The following FAT3 variants were observed in gnomAD, a reference collection of about 807,000 sequenced individuals.
The protein encoded by FAT3 is FAT atypical cadherin 3.
Under a neutral mutation model 310.2 loss-of-function variants are expected in FAT3, and 95 were observed. The observed-to-expected ratio is 0.31, with a 90% CI of 0.26 to 0.36. The LOEUF is 0.36. FAT3 is among the 10% of genes least tolerant of loss of function. The pLI is 1.00. For synonymous variants in FAT3, 2,314 were observed against 2,192.9 expected (o/e 1.06, Z -1.54); for missense variants, 5,408 against 5,715.6 (o/e 0.95, Z 1.74).
chr11:92,416,422 C>A (rs574610793), intron 2 of FAT3, among the ~76,000 whole-genome samples: 23 of 151,428 alleles, frequency 1.5e-4, no homozygotes, highest in Non-Finnish European at 2.9e-4. Flanking sequence ...AAACCTTCCA[C>A]GTTAACATCA....
At chr11:92,389,251 C>G (rs1002836292) in intron 2 of FAT3, among the ~76,000 whole-genome samples, 1 of 152,096 alleles carries the variant, frequency 6.6e-6, no homozygotes, top group African/African-American at 2.4e-5. Flanking sequence ...GCTTAAACAA[C>G]AGAAAATGGA....
chr11:92,607,188 A>G (rs1940340429), intron 3 of FAT3, among the ~76,000 whole-genome samples: 1 of 152,130 alleles, frequency 6.6e-6, no homozygotes, highest in Non-Finnish European at 1.5e-5. Flanking sequence ...TGAAATTTTC[A>G]TTGGTGATCA....
rs779979255 is a variant in FAT3 at position 92,857,227 on chromosome 11, G to C, written c.11379G>C (p.Pro3793=). The part of the protein sequence containing the change: ...VRCTCNGGLC[P]GSNDPCVEKP... ...CCTTTGTCACAGGAGGACTGTGTCC[G>C]GGGTCCAACGATCCTTGTGTGGAGA... Residue 3793 remains proline, a synonymous_variant, in exon 20 of 28, where the codon CCG becomes CCC. Coordinates refer to ENST00000525166, the MANE Select transcript of FAT3 (RefSeq NM_001367949.2). The C allele has an allele frequency of 6.2e-7, 1 of 1,613,952 alleles. No individual in the cohort carries two copies. Among genetic ancestry groups the C allele is most frequent in the East Asian group, 2.2e-5 (1 of 44,866 alleles).
intron 4 of FAT3, among the ~76,000 whole-genome samples, chr11:92,715,236 T>G (rs1944643783): frequency 7.0e-6 from 1 of 142,666 alleles, no homozygotes; most frequent in Admixed American, 7.0e-5. Context: ...AAAGCCCGTC[T>G]CCACTAAAAA....
chr11:92,756,553 A>C (rs530335609), intron 4 of FAT3, among the ~76,000 whole-genome samples: 29 of 152,162 alleles, frequency 1.9e-4, no homozygotes, highest in Non-Finnish European at 3.1e-4. Flanking sequence ...CCAGAGTTTA[A>C]CTCTTCGGCT....
chr11:92,798,760 C>G lies in FAT3; in HGVS notation c.5747C>G (p.Pro1916Arg). Residue 1916 changes from proline (P) to arginine (R), a missense_variant, in exon 10 of 28, where the codon CCT becomes CGT. Pro to Arg is a moderately radical substitution (Grantham distance 103). Coordinates refer to ENST00000525166, the MANE Select transcript of FAT3 (RefSeq NM_001367949.2). ...SATDPDSEVP[P>R]ELTYSLMEGS... ...ACAGATCCTGACTCTGAGGTACCCC[C>G]TGAACTGACATACAGCCTAATGGAA... is the stretch of plus-strand genomic sequence containing the variant. The G allele has an allele frequency of 6.2e-7, 1 of 1,613,824 alleles. No homozygotes were observed. The highest frequency in any genetic ancestry group is 8.5e-7 in the Non-Finnish European group (1 of 1,179,838).
Position 92,231,049 on chromosome 11 carries a change from A to G in FAT3, c.-18+5875A>G, listed in dbSNP as rs370820589. On this transcript the variant is annotated intron_variant, in intron 1 of 27. Transcript: ENST00000525166. The stretch of plus-strand genomic sequence containing the variant: ...ATGGGCTGTCGGAATGTTAGTTAAT[A>G]TTTTGAGAAGACTTCAGAATTTATT... 2.0e-5 allele frequency among the ~76,000 whole-genome samples: 3 copies of G among 152,332 alleles called. 1 individual carries two copies. The highest frequency in any genetic ancestry group is 7.2e-5 in the African/African-American group (3 of 41,576).
intron 1 of FAT3, among the ~76,000 whole-genome samples, chr11:92,235,238 C>G (rs1479683216): frequency 6.6e-6 from 1 of 152,130 alleles, no homozygotes; most frequent in African/African-American, 2.4e-5. Flanking sequence ...AGCCCCTCTG[C>G]CTTTTTCTCT....
At position 92,844,740 on chromosome 11, in the gene FAT3, C is replaced by G. The variant is rs553584823; in HGVS notation, c.11365+8C>G. The G allele has an allele frequency of 2.0e-6, 3 of 1,502,274 alleles. No homozygotes were observed. In the African/African-American group the frequency reaches 4.1e-5, roughly 21 times the overall value. 93.1% of individuals were successfully genotyped at this position (1,502,274 alleles called of 1,614,324 possible). On this transcript the variant is annotated splice_region_variant and intron_variant, in intron 19 of 27. Transcript: ENST00000525166. ...TGCGTTGCACCTGCAATGGTGAGTGCAGTTTTGAGTGTTCCCTCTCAACTC... is the reference window on the plus strand; with the variant it reads ...TGCGTTGCACCTGCAATGGTGAGTGGAGTTTTGAGTGTTCCCTCTCAACTC...
intron 2 of FAT3, among the ~76,000 whole-genome samples, chr11:92,362,500 G>C (rs907837123): frequency 1.3e-5 from 2 of 152,166 alleles, no homozygotes; most frequent in East Asian, 1.9e-4. Context: ...GAAAGAAGGA[G>C]AGCCAGGTCA....
intron 3 of FAT3, among the ~76,000 whole-genome samples, chr11:92,603,587 T>A (rs1277402075): frequency 6.6e-6 from 1 of 152,238 alleles, no homozygotes; most frequent in African/African-American, 2.4e-5. Flanking sequence ...GTCTTTGTCT[T>A]CTGTCAGAGC....
intron 12 of FAT3, among the ~76,000 whole-genome samples, chr11:92,807,520 C>T (rs937322518): frequency 3.3e-5 from 5 of 152,232 alleles, no homozygotes; most frequent in East Asian, 3.9e-4. Context: ...TCTTGTTTCT[C>T]GTATCTGTAA....
chr11:92,863,030 T>C (rs3847551), intron 21 of FAT3, among the ~76,000 whole-genome samples: 126,100 of 152,190 alleles, frequency 0.83, 52,517 homozygotes, highest in South Asian at 0.9. Flanking sequence ...TGATTATGCA[T>C]TCATTTACTC....
At chr11:92,807,156 G>C (rs1409735375) in intron 12 of FAT3, among the ~76,000 whole-genome samples, 1 of 152,090 alleles carries the variant, frequency 6.6e-6, no homozygotes, top group South Asian at 2.1e-4. Flanking sequence ...ATTTCTTTTG[G>C]AAAGAAGTTT....
Position 92,270,557 on chromosome 11 carries a change from A to G in FAT3, c.-18+45383A>G, listed in dbSNP as rs375911773. 2.6e-5 allele frequency among the ~76,000 whole-genome samples: 4 copies of G among 151,984 alleles called. No homozygotes were observed. The South Asian group carries it at 6.2e-4, about 24-fold the overall frequency. ...AAAAAATTGCTGGGCATGGTGGCACATGCCTGTAATCCCAGCTACTCAGGA... is the reference window on the plus strand; with the variant it reads ...AAAAAATTGCTGGGCATGGTGGCACGTGCCTGTAATCCCAGCTACTCAGGA... On this transcript the variant is annotated intron_variant, in intron 1 of 27. Coordinates refer to ENST00000525166, the MANE Select transcript of FAT3 (RefSeq NM_001367949.2).
intron 3 of FAT3, among the ~76,000 whole-genome samples, chr11:92,555,272 T>G (rs185254728): frequency 3.7e-4 from 57 of 152,360 alleles, no homozygotes; most frequent in African/African-American, 1.3e-3. Flanking sequence ...TATTGCAGCA[T>G]TAACGATTTC....
In FAT3 at chr11:92,293,964, T is replaced by G. The variant is rs75990115; in HGVS notation, c.-17-58132T>G. Among the ~76,000 whole-genome samples the G allele has an allele frequency of 1.2e-3, 176 of 152,166 alleles. 3 individuals are homozygous for G. The East Asian group carries it at 0.031, about 27-fold the overall frequency. ...ATTCAGATTTCCAATGGGGCAGCTTTTCCACATTATTAAATCTGTCAGTTT... is the reference window on the plus strand; with the variant it reads ...ATTCAGATTTCCAATGGGGCAGCTTGTCCACATTATTAAATCTGTCAGTTT... On this transcript the variant is annotated intron_variant, in intron 1 of 27. Coordinates refer to ENST00000525166, the MANE Select transcript of FAT3 (RefSeq NM_001367949.2).
chr11:92,674,647 CA>C (rs1943231840), intron 3 of FAT3, among the ~76,000 whole-genome samples: 1 of 152,050 alleles, frequency 6.6e-6, no homozygotes, highest in South Asian at 2.1e-4. Context: ...CTCAGCCTCC[CA>C]AGTAACTAGG....
chr11:92,841,747 C>G lies in FAT3; in HGVS notation c.10566+988C>G, dbSNP rs1246290976. On this transcript the variant is annotated intron_variant, in intron 18 of 27. Transcript: ENST00000525166. ...AGAATCTTTGTAAAAGGCTCCCTCC[C>G]CCAGTCCCTTGTATTAAACTACCAC... 2.0e-5 allele frequency among the ~76,000 whole-genome samples: 3 copies of G among 152,208 alleles called. No homozygotes were observed. The East Asian group carries it at 5.8e-4, about 29-fold the overall frequency.
Sources: gnomAD v4.1 joint callset for allele counts (sites outside exome capture counted in the v4.1 genomes callset) on GRCh38, gnomAD v4.1.1 for gene constraint, MANE v1.5 for transcripts, NCBI Gene and HGNC (gene_info 2026-07-23, HGNC 2026-07-21) for gene names.